The following TCF12 variants were observed in gnomAD, a reference collection of about 807,000 sequenced individuals.
TCF12 encodes transcription factor 12.
In TCF12, 45 loss-of-function variants were observed where a neutral mutation model predicts 86.0. The observed-to-expected ratio is 0.52, with a 90% confidence interval of 0.41 to 0.67. The LOEUF (loss-of-function observed/expected upper bound fraction) is 0.67, where lower values mean the gene tolerates loss of function less well. TCF12 is among the 30% of genes least tolerant of loss of function. The pLI, the probability that TCF12 is intolerant of heterozygous loss-of-function variation, is 0.00. For missense variants in TCF12, 881 were observed against 859.9 expected (o/e 1.02, Z -0.31); for synonymous variants, 330 against 299.6 (o/e 1.10, Z -1.05).
chr15:57,170,735 ATAATATATATTATATAT>A (rs1567559354), intron 6 of TCF12, among the ~76,000 whole-genome samples: 9 of 2,862 alleles, frequency 3.1e-3, no homozygotes, highest in African/African-American at 6.6e-3. Flanking sequence ...TATATTATAT[ATAATATATATTATATAT>A]TATATATTAT....
At chr15:56,926,187 C>G (rs1325298550) in intron 3 of TCF12, among the ~76,000 whole-genome samples, 1 of 152,102 alleles carries the variant, frequency 6.6e-6, no homozygotes, top group Non-Finnish European at 1.5e-5. Flanking sequence ...GTGGCTCATG[C>G]CTGTAGTCCC....
At chr15:57,278,747 C>CCCTCTCTCTCCCTCTCTCTCCCTA in intron 19 of TCF12, 1 of 107,530 alleles carries the variant, frequency 9.3e-6, no homozygotes, top group Non-Finnish European at 1.8e-5. Context: ...CTCCCTCCCT[C>CCCTCTCTCTCCCTCTCTCTCCCTA]CCTCTCTCTC....
At chr15:57,029,896 T>C (rs1308655222) in intron 3 of TCF12, among the ~76,000 whole-genome samples, 1 of 152,230 alleles carries the variant, frequency 6.6e-6, no homozygotes, top group Non-Finnish European at 1.5e-5. Flanking sequence ...TCAACTATGT[T>C]GTAGGTATCA....
intron 3 of TCF12, among the ~76,000 whole-genome samples, chr15:57,031,332 T>G (rs1596215610): frequency 6.6e-6 from 1 of 151,744 alleles, no homozygotes; most frequent in African/African-American, 2.4e-5. Flanking sequence ...TCTCCCTGTC[T>G]TCTTTGTGGC....
chr15:57,089,442 A>G (rs1449592673), intron 4 of TCF12, among the ~76,000 whole-genome samples: 1 of 152,226 alleles, frequency 6.6e-6, no homozygotes, highest in African/African-American at 2.4e-5. Context: ...CAGTGGGAAC[A>G]GCAAAAAAGT....
At chr15:57,279,569 A>G (rs2061583670) in intron 19 of TCF12, among the ~76,000 whole-genome samples, 1 of 152,096 alleles carries the variant, frequency 6.6e-6, no homozygotes, top group Non-Finnish European at 1.5e-5. Context: ...CACATTTCCT[A>G]GAGTCTGCCA....
intron 19 of TCF12, among the ~76,000 whole-genome samples, chr15:57,277,667 T>TTACA (rs2061466632): frequency 1.3e-5 from 2 of 149,512 alleles, no homozygotes; most frequent in African/African-American, 4.9e-5. Flanking sequence ...CTGGGCACAG[T>TTACA]GGCTTATGCC....
At chr15:57,078,144 T>C (rs1011124306) in intron 4 of TCF12, among the ~76,000 whole-genome samples, 6 of 152,110 alleles carry the variant, frequency 3.9e-5, no homozygotes, top group African/African-American at 1.4e-4. Flanking sequence ...TCATTTTGCT[T>C]TAGGGTATTC....
intron 3 of TCF12, among the ~76,000 whole-genome samples, chr15:56,952,025 G>T (rs1281665253): frequency 3.3e-5 from 5 of 152,130 alleles, no homozygotes; most frequent in Admixed American, 2.6e-4. Flanking sequence ...AATATGGTGT[G>T]ACGTATGGAT....
At chr15:57,185,336 A>G (rs2056605124) in intron 6 of TCF12, among the ~76,000 whole-genome samples, 1 of 152,232 alleles carries the variant, frequency 6.6e-6, no homozygotes, top group East Asian at 1.9e-4. Flanking sequence ...TTAAATGGAA[A>G]TGAAAAGACA....
At chr15:57,007,978 GCTCT>G (rs1205713295) in intron 3 of TCF12, among the ~76,000 whole-genome samples, 10 of 123,110 alleles carry the variant, frequency 8.1e-5, no homozygotes, top group East Asian at 2.4e-4. Context: ...TCTCTCTCTC[GCTCT>G]CTCTCTCTCT....
rs1387224324 is a variant in TCF12, at chr15:57,287,371, C to CT, written c.*1227dup. On this transcript the variant is annotated 3_prime_UTR_variant, in exon 21 of 21. Coordinates refer to ENST00000333725, the MANE Select transcript of TCF12 (RefSeq NM_207037.2). ...CTTTATTTCTCTGTCATTTGGATGG[C>CT]TGGTCAATGGGGAAGAATTGAGTGG... 1.3e-5 allele frequency: 2 copies of CT among 152,688 alleles called. No homozygotes were observed. The highest frequency in any genetic ancestry group is 2.9e-5 in the Non-Finnish European group (2 of 68,100). 9.5% of individuals were successfully genotyped at this position (152,688 alleles called of 1,614,324 possible). A position where few individuals can be genotyped will look rare whatever the true frequency, so the allele number is the denominator to read the frequency against.
At chr15:56,939,318 G>A (rs1162642038) in intron 3 of TCF12, among the ~76,000 whole-genome samples, 18 of 152,060 alleles carry the variant, frequency 1.2e-4, no homozygotes, top group African/African-American at 4.3e-4. Flanking sequence ...TGAAGACAGA[G>A]CTAAGGTCAG....
chr15:57,223,658 T>TTTTTTTTG (rs1566940869), intron 8 of TCF12, among the ~76,000 whole-genome samples: 4 of 142,636 alleles, frequency 2.8e-5, no homozygotes, highest in South Asian at 2.2e-4. Context: ...TTTTTTTTTT[T>TTTTTTTTG]TTTTTTTTTT....
intron 4 of TCF12, among the ~76,000 whole-genome samples, chr15:57,081,240 C>G (rs2070625715): frequency 6.6e-6 from 1 of 152,152 alleles, no homozygotes; most frequent in South Asian, 2.1e-4. Context: ...TGGCTTCAGC[C>G]TGTCATTGAG....
intron 4 of TCF12, among the ~76,000 whole-genome samples, chr15:57,077,975 G>A (rs1159480088): frequency 1.3e-5 from 2 of 151,960 alleles, no homozygotes; most frequent in African/African-American, 4.8e-5. Context: ...AGTATTATTC[G>A]ATATATAGGT....
chr15:56,985,668 G>A (rs1420899012), intron 3 of TCF12, among the ~76,000 whole-genome samples: 1 of 152,078 alleles, frequency 6.6e-6, no homozygotes, highest in African/African-American at 2.4e-5. Context: ...AGAAAAGCTG[G>A]TCCTTAGAGT....
intron 12 of TCF12, among the ~76,000 whole-genome samples, chr15:57,241,609 G>A (rs916388916): frequency 6.6e-5 from 10 of 152,164 alleles, no homozygotes; most frequent in Non-Finnish European, 1.3e-4. Context: ...ACAAATTGGC[G>A]TATTTTGTTT....
chr15:56,942,471 A>G (rs1334855155), intron 3 of TCF12, among the ~76,000 whole-genome samples: 2 of 152,136 alleles, frequency 1.3e-5, no homozygotes, highest in African/African-American at 4.8e-5. Context: ...TTAGGAAAAT[A>G]TTTTCTGGTA....
Sources: gnomAD v4.1 joint callset for allele counts (sites outside exome capture counted in the v4.1 genomes callset) on GRCh38, gnomAD v4.1.1 for gene constraint, MANE v1.5 for transcripts, NCBI Gene and HGNC (gene_info 2026-07-23, HGNC 2026-07-21) for gene names.